EYS: variants seen among roughly 807,000 people sequenced by gnomAD.
The protein encoded by EYS is EGF-like photoreceptor maintenance factor, also known as protein eyes shut homolog.
Under a neutral mutation model 282.1 loss-of-function variants are expected in EYS, and 250 were observed. The observed-to-expected ratio is 0.89, with a 90% CI of 0.80 to 0.98. The LOEUF (loss-of-function observed/expected upper bound fraction) is 0.98, where lower values mean the gene tolerates loss of function less well. Among genes scored for constraint, EYS ranks in the 50% least tolerant of loss-of-function variants. The pLI is 0.00. For synonymous variants in EYS, 1,355 were observed against 1,282.9 expected, an observed-to-expected ratio of 1.06 and a Z score of -1.20; for missense variants, 4,016 against 3,709.0, an observed-to-expected ratio of 1.08 and a Z score of -2.15.
chr6:65,108,227 T>A (rs1204636787), intron 12 of EYS, among the ~76,000 whole-genome samples: 1 of 152,192 alleles, frequency 6.6e-6, no homozygotes, highest in Non-Finnish European at 1.5e-5. Flanking sequence ...GTTTAAAATA[T>A]CTCTATCACT....
chr6:65,157,677 A>G (rs1224046083), intron 12 of EYS, among the ~76,000 whole-genome samples: 1 of 150,748 alleles, frequency 6.6e-6, no homozygotes, highest in African/African-American at 2.4e-5. Flanking sequence ...TAGTCATGTA[A>G]TTTCTTAAAA....
intron 18 of EYS, 73 bp downstream of exon 18, chr6:64,902,040 A>G (rs1767683072): frequency 1.0e-6 from 1 of 981,344 alleles, no homozygotes; most frequent in African/African-American, 2.1e-5. Flanking sequence ...TTACATAATG[A>G]GCACATGTGT....
chr6:65,226,695 G>A (rs1053992739), intron 12 of EYS, among the ~76,000 whole-genome samples: 1 of 152,116 alleles, frequency 6.6e-6, no homozygotes, highest in African/African-American at 2.4e-5. Flanking sequence ...TAGCGAGACC[G>A]CTGTGGAAAA....
At position 65,495,335 on chromosome 6, in the gene EYS, G is replaced by A. The variant is rs764308269; in HGVS notation, c.76C>T (p.Arg26Trp). Residue 26 changes from arginine to tryptophan, a missense_variant, in exon 4 of 43, where the codon CGG becomes TGG. Physicochemically the swap from Arg to Trp is moderately radical, Grantham distance 101. Transcript: ENST00000503581. ...GGATGCCATTCTTCCACCAATTGCC[G>A]TCTACATGTTTTTCCATTTATGAAA... ...SSFINGKTCRRQLVEEWHPQP... is the reference protein window; with the variant it reads ...SSFINGKTCRWQLVEEWHPQP... 18 of 1,613,548 alleles carry A rather than the reference G, an allele frequency of 1.1e-5. No individual in the cohort carries two copies. The highest frequency in any genetic ancestry group is 5.0e-5 in the Admixed American group (3 of 59,988).
intron 22 of EYS, among the ~76,000 whole-genome samples, chr6:64,684,215 T>C (rs74427331): frequency 0.029 from 4,353 of 152,268 alleles, 125 homozygotes; most frequent in East Asian, 0.14. Flanking sequence ...AAAGGTAGGC[T>C]GGAAGACAAT....
intron 12 of EYS, among the ~76,000 whole-genome samples, chr6:65,227,633 G>A (rs1019949661): frequency 6.6e-6 from 1 of 151,992 alleles, no homozygotes; most frequent in Non-Finnish European, 1.5e-5. Flanking sequence ...AATGTTTATA[G>A]GAGCATTATT....
At chr6:64,114,355 T>C (rs77955815) in intron 31 of EYS, among the ~76,000 whole-genome samples, 6,405 of 152,200 alleles carry the variant, frequency 0.042, 398 homozygotes, top group African/African-American at 0.14. Flanking sequence ...AACTCAAAAA[T>C]ATACCACCTA....
chr6:64,778,501 T>A (rs972406876), intron 22 of EYS, among the ~76,000 whole-genome samples: 1 of 152,166 alleles, frequency 6.6e-6, no homozygotes, highest in East Asian at 1.9e-4. Flanking sequence ...CCAGCTATAA[T>A]GGAATACAAC....
At chr6:64,827,815 C>T (rs186152001) in intron 19 of EYS, among the ~76,000 whole-genome samples, 36 of 151,816 alleles carry the variant, frequency 2.4e-4, no homozygotes, top group Admixed American at 1.4e-3. Context: ...CCAGCAAATG[C>T]TATTCTATGA....
intron 19 of EYS, among the ~76,000 whole-genome samples, chr6:64,839,842 T>C (rs1468640641): frequency 6.6e-6 from 1 of 151,990 alleles, no homozygotes; most frequent in Non-Finnish European, 1.5e-5. Flanking sequence ...CCTTCCAGCC[T>C]TTTCATAAGG....
chr6:64,842,059 G>GCAC lies in EYS; in HGVS notation c.2993-19240_2993-19238dup, dbSNP rs1313473219. Among the ~76,000 whole-genome samples, 6 of 151,944 alleles carry GCAC rather than the reference G, an allele frequency of 3.9e-5. No individual in the cohort carries two copies. In the South Asian group the frequency reaches 1.0e-3, roughly 26 times the overall value. On this transcript the variant is annotated intron_variant, in intron 19 of 42. Transcript: ENST00000503581. ...TTAAGTGAGATTTTAATGATGTTTG[G>GCAC]CACCAAATATCATCAGTGTTTGCAC...
intron 31 of EYS, among the ~76,000 whole-genome samples, chr6:64,150,260 A>G (rs2150293610): frequency 6.6e-6 from 1 of 152,342 alleles, no homozygotes; most frequent in African/African-American, 2.4e-5. Context: ...AGGGCTGAAA[A>G]GAAATCTAGA....
chr6:65,405,349 G>C lies in EYS; in HGVS notation c.881C>G (p.Ser294Ter), dbSNP rs752683070. ...EQFSGPFCEV[S>*]AKPCVSLLFW... Reference sequence around the variant, plus strand: ...AAGCAGAGAAACACAAGGTTTTGCTGACACCTCACAGAATGGACCTTAAAA... The same window carrying C: ...AAGCAGAGAAACACAAGGTTTTGCTCACACCTCACAGAATGGACCTTAAAA... Residue 294 changes from serine (S) to a stop codon, truncating the protein, a stop_gained, in exon 6 of 43, where the codon TCA (serine) becomes TGA (stop). Transcript: ENST00000503581. LOFTEE classifies it high-confidence loss of function. The C allele has an allele frequency of 1.1e-5, 18 of 1,608,640 alleles. No homozygotes were observed. In the African/African-American group the frequency reaches 2.3e-4, roughly 21 times the overall value.
chr6:65,057,219 C>T (rs953356738), intron 13 of EYS, among the ~76,000 whole-genome samples: 5 of 151,914 alleles, frequency 3.3e-5, no homozygotes, highest in Non-Finnish European at 7.4e-5. Flanking sequence ...CAAAGTTGAA[C>T]ACTGAAAAAT....
chr6:64,202,344 T>C (rs868373265), intron 31 of EYS, among the ~76,000 whole-genome samples: 3 of 152,182 alleles, frequency 2.0e-5, no homozygotes, highest in Non-Finnish European at 1.5e-5. Flanking sequence ...AAGAAAGATA[T>C]GTTCTCTCTC....
At chr6:64,204,483 G>C (rs1355101920) in intron 31 of EYS, among the ~76,000 whole-genome samples, 2 of 151,962 alleles carry the variant, frequency 1.3e-5, no homozygotes, top group East Asian at 3.9e-4. Flanking sequence ...TCCATCATTA[G>C]GAATGGGAAA....
intron 22 of EYS, among the ~76,000 whole-genome samples, chr6:64,706,408 A>C (rs922739467): frequency 1.3e-5 from 2 of 152,110 alleles, no homozygotes; most frequent in Non-Finnish European, 2.9e-5. Context: ...TTAGTCAAAG[A>C]CTTCATGACC....
At chr6:65,166,786 ATATCT>A (rs1416977119) in intron 12 of EYS, among the ~76,000 whole-genome samples, 1 of 151,180 alleles carries the variant, frequency 6.6e-6, no homozygotes, top group Non-Finnish European at 1.5e-5. Flanking sequence ...TTTCCAAATT[ATATCT>A]TATAAGGAAC....
At position 64,591,231 on chromosome 6, in the gene EYS, C is replaced by T; in HGVS notation, c.4636G>A (p.Ala1546Thr). The part of the protein sequence containing the change: ...QRLTNIKSQA[A>T]DSLRELSQTC... ...TGGCTTAATTCTCTTAAAGAATCAGCAGCCTGTGATTTGATGTTTGTGAGT... is the reference window on the plus strand; with the variant it reads ...TGGCTTAATTCTCTTAAAGAATCAGTAGCCTGTGATTTGATGTTTGTGAGT... The change falls in exon 26 of 43, where the codon GCT becomes ACT. Residue 1546 changes from alanine to threonine, a missense_variant. Transcript: ENST00000503581. 1 of 1,551,412 alleles carries T rather than the reference C, an allele frequency of 6.4e-7. No homozygotes were observed. The highest frequency in any genetic ancestry group is 8.7e-7 in the Non-Finnish European group (1 of 1,146,826).
Sources: gnomAD v4.1 joint callset for allele counts (sites outside exome capture counted in the v4.1 genomes callset) on GRCh38, gnomAD v4.1.1 for gene constraint, MANE v1.5 for transcripts, NCBI Gene and HGNC (gene_info 2026-07-23, HGNC 2026-07-21) for gene names.